The following AGPAT3 variants were observed in gnomAD, a reference collection of about 807,000 sequenced individuals.
AGPAT3 encodes the protein 1-acyl-sn-glycerol-3-phosphate acyltransferase gamma.
In AGPAT3, 5 loss-of-function variants were observed where a neutral mutation model predicts 47.3. The observed-to-expected ratio is 0.11, with a 90% CI of 0.06 to 0.22. The LOEUF is 0.22. AGPAT3 is among the 10% of genes least tolerant of loss of function. The pLI is 1.00. For synonymous variants in AGPAT3, 212 were observed against 208.3 expected, an observed-to-expected ratio of 1.02 and a Z score of -0.15; for missense variants, 315 against 493.0, an observed-to-expected ratio of 0.64 and a Z score of 3.42.
Position 43,939,236 on chromosome 21 carries a change from C to T in AGPAT3, c.-48-20398C>T, listed in dbSNP as rs2087563900. ...CTGGCCGGGCCTCCAGGGGGCGCTCCCTTAGGAACACCCCATCCCCGTCCC... is the reference window on the plus strand; with the variant it reads ...CTGGCCGGGCCTCCAGGGGGCGCTCTCTTAGGAACACCCCATCCCCGTCCC... On this transcript the variant is annotated intron_variant, in intron 2 of 9. Transcript: ENST00000291572. The surrounding 1 kb of genome is among the most constrained non-coding windows in gnomAD (Gnocchi z 4.4). Among the ~76,000 whole-genome samples, 1 of 152,122 alleles carries T rather than the reference C, an allele frequency of 6.6e-6. No individual in the cohort carries two copies. The highest frequency in any genetic ancestry group is 1.5e-5 in the Non-Finnish European group (1 of 68,016).
Position 43,933,016 on chromosome 21 carries a change from G to A in AGPAT3, c.-48-26618G>A, listed in dbSNP as rs545025946. Among the ~76,000 whole-genome samples, 153 of 152,242 alleles carry A rather than the reference G, an allele frequency of 1.0e-3. 1 individual carries two copies. Among genetic ancestry groups the A allele is most frequent in the African/African-American group, 3.5e-3 (146 of 41,538 alleles). ...TTGTGTAGTGGCCACACTGATTGACGCTCTCTCTCCCTCACAGCGTGCCAG... is the reference window on the plus strand; with the variant it reads ...TTGTGTAGTGGCCACACTGATTGACACTCTCTCTCCCTCACAGCGTGCCAG... On this transcript the variant is annotated intron_variant, in intron 2 of 9. Coordinates refer to ENST00000291572, the MANE Select transcript of AGPAT3 (RefSeq NM_020132.5). The surrounding 1 kb of genome is among the most constrained non-coding windows in gnomAD (Gnocchi z 6.0).
Position 43,984,724 on chromosome 21 carries a change from C to T in AGPAT3, c.*2332C>T. 6.4e-6 allele frequency: 1 copy of T among 156,526 alleles called. No individual in the cohort carries two copies. The highest frequency in any genetic ancestry group is 1.4e-5 in the Non-Finnish European group (1 of 70,050). 9.7% of individuals were successfully genotyped at this position (156,526 alleles called of 1,614,324 possible). A position where few individuals can be genotyped will look rare whatever the true frequency, so the allele number is the denominator to read the frequency against. ...GGGGAGGGTGGATTTTGCTTTTCAT[C>T]CAGAAGGAAAAGGGGAGGAGAGCTC... On this transcript the variant is annotated 3_prime_UTR_variant, in exon 10 of 10. Coordinates refer to ENST00000291572, the MANE Select transcript of AGPAT3 (RefSeq NM_020132.5).
chr21:43,921,648 A>C (rs2086893977), intron 2 of AGPAT3, among the ~76,000 whole-genome samples: 1 of 152,224 alleles, frequency 6.6e-6, no homozygotes, highest in Non-Finnish European at 1.5e-5. Flanking sequence ...TCTGGGCTGC[A>C]CCAGGTGATG....
rs117568963 is a variant in AGPAT3 at position 43,935,436 on chromosome 21, G to C, written c.-48-24198G>C. Reference sequence around the variant, plus strand: ...CCCTGGCAGGCATGAAGCCGTTCAGGAGGAGGGCAGGGCCAGCATAGGCCC... The same window carrying C: ...CCCTGGCAGGCATGAAGCCGTTCAGCAGGAGGGCAGGGCCAGCATAGGCCC... On this transcript the variant is annotated intron_variant, in intron 2 of 9. Coordinates refer to ENST00000291572, the MANE Select transcript of AGPAT3 (RefSeq NM_020132.5). Among the ~76,000 whole-genome samples the C allele has an allele frequency of 2.4e-3, 364 of 152,376 alleles. 6 individuals carry two copies. The East Asian group carries it at 0.056, about 24-fold the overall frequency.
intron 2 of AGPAT3, among the ~76,000 whole-genome samples, chr21:43,946,366 G>A (rs2087888676): frequency 2.0e-5 from 3 of 152,170 alleles, no homozygotes; most frequent in African/African-American, 2.4e-5. Flanking sequence ...TTGGGAAGCC[G>A]AGGTGGGTGG....
At chr21:43,938,785 G>T (rs2087537489) in intron 2 of AGPAT3, among the ~76,000 whole-genome samples, 1 of 152,206 alleles carries the variant, frequency 6.6e-6, no homozygotes, top group Non-Finnish European at 1.5e-5. Context: ...CAGCTGCGGA[G>T]GGTCAGGAAT....
chr21:43,907,267 C>G (rs1328002411), intron 2 of AGPAT3, among the ~76,000 whole-genome samples: 2 of 152,006 alleles, frequency 1.3e-5, no homozygotes, highest in African/African-American at 4.8e-5. Flanking sequence ...GGGCTCAAGC[C>G]CATCTGCCGG....
rs567342400 is a variant in AGPAT3, at chr21:43,922,256, C to T, written c.-49+18237C>T. 1.6e-4 allele frequency among the ~76,000 whole-genome samples: 25 copies of T among 152,076 alleles called. No individual in the cohort carries two copies. The highest frequency in any genetic ancestry group is 4.6e-4 in the African/African-American group (19 of 41,456). The stretch of plus-strand genomic sequence containing the variant: ...GCCTGGGGACGAGGAGTGGATGTGA[C>T]GGAGGAGGCTCCTGTTCTTGTGGGG... On this transcript the variant is annotated intron_variant, in intron 2 of 9. Coordinates refer to ENST00000291572, the MANE Select transcript of AGPAT3 (RefSeq NM_020132.5). This position sits in a 1 kb window ranked among gnomAD's most constrained non-coding sequence, Gnocchi z 4.9.
intron 2 of AGPAT3, among the ~76,000 whole-genome samples, chr21:43,951,922 A>AG (rs908794261): frequency 4.6e-5 from 7 of 152,094 alleles, no homozygotes; most frequent in Admixed American, 2.0e-4. Context: ...TTGGCAAAGA[A>AG]GGGGGGTCTC....
rs1569071325 is a variant in AGPAT3 at position 43,930,879 on chromosome 21, C to T, written c.-49+26860C>T. Among the ~76,000 whole-genome samples, 1 of 152,124 alleles carries T rather than the reference C, an allele frequency of 6.6e-6. No homozygotes were observed. The highest frequency in any genetic ancestry group is 1.5e-5 in the Non-Finnish European group (1 of 68,028). On this transcript the variant is annotated intron_variant, in intron 2 of 9. Coordinates refer to ENST00000291572, the MANE Select transcript of AGPAT3 (RefSeq NM_020132.5). This position sits in a 1 kb window ranked among gnomAD's most constrained non-coding sequence, Gnocchi z 5.0. ...GGGCCTGCTGCCCTGTCCCCTCGGGCGGGCGCCACTTCCTTCCTGCATGTT... is the reference window on the plus strand; with the variant it reads ...GGGCCTGCTGCCCTGTCCCCTCGGGTGGGCGCCACTTCCTTCCTGCATGTT...
Position 43,981,180 on chromosome 21 carries a change from G to A in AGPAT3, c.1035G>A (p.Val345=), listed in dbSNP as rs1306289648. Residue 345 remains valine (V), a synonymous_variant, in exon 9 of 10, where the codon GTG becomes GTA. Coordinates refer to ENST00000291572, the MANE Select transcript of AGPAT3 (RefSeq NM_020132.5). This position sits in a 1 kb window ranked among gnomAD's most constrained non-coding sequence, Gnocchi z 5.3. ...PLLILTFLGF[V]GAASFGVRRL... is the part of the protein sequence containing the mutation. ...TGATCCTGACTTTCTTGGGGTTTGT[G>A]GGAGCAGGTAATGGACACTGTCGCT... 5.6e-6 allele frequency: 9 copies of A among 1,614,026 alleles called. No individual in the cohort carries two copies. Among genetic ancestry groups the A allele is most frequent in the Admixed American group, 5.0e-5 (3 of 60,008 alleles).
At chr21:43,935,019 A>G (rs1328213925) in intron 2 of AGPAT3, among the ~76,000 whole-genome samples, 1 of 147,916 alleles carries the variant, frequency 6.8e-6, no homozygotes, top group Non-Finnish European at 1.5e-5. Flanking sequence ...CATGCCACCC[A>G]TGTGCCGTCC....
intron 2 of AGPAT3, among the ~76,000 whole-genome samples, chr21:43,937,123 C>T (rs2087475509): frequency 6.6e-6 from 1 of 152,216 alleles, no homozygotes. Context: ...GCTGGCACTC[C>T]TGGGTGGGGG....
chr21:43,906,755 G>A (rs149294906), intron 2 of AGPAT3, among the ~76,000 whole-genome samples: 2 of 152,360 alleles, frequency 1.3e-5, no homozygotes, highest in South Asian at 2.1e-4. Context: ...TGTGCCCTGC[G>A]GAGGTGGACT....
At chr21:43,972,804 G>A (rs1169149968) in intron 7 of AGPAT3, among the ~76,000 whole-genome samples, 3 of 152,190 alleles carry the variant, frequency 2.0e-5, no homozygotes, top group African/African-American at 7.2e-5. Context: ...CGAAGAAACC[G>A]TGCGCTGGAT....
chr21:43,978,596 A>G (rs1476449809), intron 8 of AGPAT3, among the ~76,000 whole-genome samples: 2 of 152,250 alleles, frequency 1.3e-5, no homozygotes, highest in African/African-American at 4.8e-5. Context: ...GGCATGAGCC[A>G]CCACACCTGG....
intron 3 of AGPAT3, among the ~76,000 whole-genome samples, chr21:43,962,560 CAGTA>C (rs1447681243): frequency 6.6e-6 from 1 of 152,138 alleles, no homozygotes; most frequent in Admixed American, 6.5e-5. Flanking sequence ...TCTGGGCTCA[CAGTA>C]AGGAAACAAA....
At chr21:43,899,840 C>T (rs894526865) in intron 1 of AGPAT3, among the ~76,000 whole-genome samples, 50 of 152,158 alleles carry the variant, frequency 3.3e-4, no homozygotes, top group African/African-American at 1.2e-3. Flanking sequence ...CGTGACCCAG[C>T]CCCGGTGATG....
At chr21:43,872,784 C>T (rs776797664) in intron 1 of AGPAT3, among the ~76,000 whole-genome samples, 8 of 152,222 alleles carry the variant, frequency 5.3e-5, no homozygotes, top group Non-Finnish European at 1.0e-4. Context: ...TAGGGAAATG[C>T]TTCTACCATG....
Sources: allele counts gnomAD v4.1 joint callset (sites outside exome capture counted in the v4.1 genomes callset), GRCh38; gene constraint gnomAD v4.1.1; non-coding constraint Gnocchi (gnomAD v3.1); transcripts MANE v1.5; gene names NCBI Gene and HGNC (gene_info 2026-07-23, HGNC 2026-07-21).